Variants in PALLD observed in about 807,000 individuals in gnomAD.
PALLD encodes palladin, cytoskeletal associated protein.
Under a neutral mutation model 123.5 loss-of-function variants are expected in PALLD, and 61 were observed. That is an observed-to-expected ratio of 0.49 (90% confidence interval 0.40 to 0.61). The LOEUF (loss-of-function observed/expected upper bound fraction) is 0.61. Ranked by LOEUF, PALLD falls within the 20% of genes least tolerant of loss-of-function variation. PALLD has a pLI of 0.00. For missense variants in PALLD, 1,273 were observed against 1,377.0 expected (o/e 0.92, Z 1.20); for synonymous variants, 465 against 496.4 (o/e 0.94, Z 0.84).
chr4:168,596,086 C>A (rs1771948207), intron 2 of PALLD, among the ~76,000 whole-genome samples: 1 of 151,804 alleles, frequency 6.6e-6, no homozygotes, highest in Admixed American at 6.6e-5. Context: ...CCATTTAAAT[C>A]ATGTTTATAG....
At chr4:168,863,692 G>A (rs1159982301) in intron 10 of PALLD, 1 of 152,020 alleles carries the variant, frequency 6.6e-6, no homozygotes, top group African/African-American at 2.4e-5. Context: ...TTGTCTTCTG[G>A]TTCATTTTGA....
chr4:168,588,854 A>G (rs561751301), intron 2 of PALLD, among the ~76,000 whole-genome samples: 23 of 150,688 alleles, frequency 1.5e-4, no homozygotes, highest in African/African-American at 5.5e-4. Flanking sequence ...AGCTTCAAGT[A>G]AAATTATTTT....
chr4:168,775,174 T>C (rs1379594453), intron 10 of PALLD, among the ~76,000 whole-genome samples: 1 of 152,186 alleles, frequency 6.6e-6, no homozygotes, highest in African/African-American at 2.4e-5. Context: ...GTATGAGAGT[T>C]CCAGTTTCTC....
Position 168,661,766 on chromosome 4 carries a change from A to C in PALLD, c.909-6424A>C, listed in dbSNP as rs137892412. On this transcript the variant is annotated intron_variant, in intron 2 of 21. Coordinates refer to ENST00000505667, the MANE Select transcript of PALLD (RefSeq NM_001166108.2). ...AGATACATGTTTTGATGAAAGATGA[A>C]AGCCAAAAGCATTAAGGAAAATGAA... Among the ~76,000 whole-genome samples the C allele has an allele frequency of 2.0e-3, 310 of 152,348 alleles. 1 individual carries two copies. Among genetic ancestry groups the C allele is most frequent in the Admixed American group, 6.7e-3 (103 of 15,298 alleles).
intron 15 of PALLD, among the ~76,000 whole-genome samples, chr4:168,911,943 A>G (rs891906915): frequency 6.6e-6 from 1 of 151,996 alleles, no homozygotes; most frequent in Admixed American, 6.6e-5. Flanking sequence ...TCTCTTTGGT[A>G]ATTCCTCATT....
chr4:168,614,236 T>G (rs149273371), intron 2 of PALLD, among the ~76,000 whole-genome samples: 33 of 152,356 alleles, frequency 2.2e-4, no homozygotes, highest in African/African-American at 7.9e-4. Context: ...TGGATTGTAT[T>G]ATTTTTTAAA....
At chr4:168,912,742 A>C (rs1759243271) in intron 15 of PALLD, among the ~76,000 whole-genome samples, 1 of 152,120 alleles carries the variant, frequency 6.6e-6, no homozygotes. Context: ...CTCAAAATCC[A>C]CTCTTCCAGC....
chr4:168,855,681 C>G (rs1748507596), intron 10 of PALLD, among the ~76,000 whole-genome samples: 1 of 152,128 alleles, frequency 6.6e-6, no homozygotes, highest in Non-Finnish European at 1.5e-5. Flanking sequence ...TATAGTTCAG[C>G]CTTTGTCCCA....
At chr4:168,794,486 A>ATG (rs1738140830) in intron 10 of PALLD, among the ~76,000 whole-genome samples, 1 of 143,780 alleles carries the variant, frequency 7.0e-6, no homozygotes, top group East Asian at 2.2e-4. Flanking sequence ...ACGCACACAC[A>ATG]CATGCACGCA....
chr4:168,894,372 C>T (rs1754673661), intron 11 of PALLD: 2 of 584,802 alleles, frequency 3.4e-6, no homozygotes, highest in South Asian at 2.0e-5. Context: ...ATTGGTGGCT[C>T]TCTGGATTAG....
intron 2 of PALLD, among the ~76,000 whole-genome samples, chr4:168,527,443 A>AAAAAAAAAAAAAAAAAAAC (rs1764175190): frequency 6.7e-6 from 1 of 148,626 alleles, no homozygotes; most frequent in Admixed American, 6.7e-5. Context: ...AAAAAAAAAA[A>AAAAAAAAAAAAAAAAAAAC]AGTCATGCTC....
At chr4:168,780,634 AATATT>A (rs1336737099) in intron 10 of PALLD, among the ~76,000 whole-genome samples, 1 of 152,184 alleles carries the variant, frequency 6.6e-6, no homozygotes, top group Non-Finnish European at 1.5e-5. Flanking sequence ...TGTAATGTCA[AATATT>A]ATATATTTAA....
chr4:168,643,909 A>C (rs1385573764), intron 2 of PALLD, among the ~76,000 whole-genome samples: 1 of 151,998 alleles, frequency 6.6e-6, no homozygotes, highest in Non-Finnish European at 1.5e-5. Context: ...AGTTTGCAAA[A>C]ATTCATTCAT....
intron 10 of PALLD, among the ~76,000 whole-genome samples, chr4:168,800,425 C>A (rs1353722674): frequency 6.6e-6 from 1 of 151,944 alleles, no homozygotes; most frequent in Non-Finnish European, 1.5e-5. Context: ...TAAAAGCTAC[C>A]AGGCAATAAA....
chr4:168,710,412 C>T (rs1356014428), intron 9 of PALLD, among the ~76,000 whole-genome samples: 2 of 152,156 alleles, frequency 1.3e-5, no homozygotes, highest in East Asian at 3.9e-4. Context: ...AAGCCTGGAA[C>T]ATAATGTACA....
intron 10 of PALLD, among the ~76,000 whole-genome samples, chr4:168,790,457 G>A (rs985385618): frequency 6.6e-6 from 1 of 151,820 alleles, no homozygotes; most frequent in Non-Finnish European, 1.5e-5. Context: ...ACCATGCCTG[G>A]CATCTTTTTT....
chr4:168,682,106 A>G (rs907677303), intron 4 of PALLD, among the ~76,000 whole-genome samples: 1 of 152,210 alleles, frequency 6.6e-6, no homozygotes, highest in Non-Finnish European at 1.5e-5. Context: ...ATCTATATTT[A>G]TTTAGATCTT....
chr4:168,843,712 T>C (rs1746384156), intron 10 of PALLD, among the ~76,000 whole-genome samples: 1 of 152,164 alleles, frequency 6.6e-6, no homozygotes, highest in Non-Finnish European at 1.5e-5. Context: ...TGGAGACTAA[T>C]TGAATGCAAA....
rs1338474537 is a variant in PALLD at position 168,896,556 on chromosome 4, G to C, written c.2207G>C (p.Gly736Ala). 1 of 1,500,508 alleles carries C rather than the reference G, an allele frequency of 6.7e-7. No individual in the cohort carries two copies. The highest frequency in any genetic ancestry group is 1.2e-5 in the South Asian group (1 of 83,220). The allele number at this position is 1,500,508 out of a possible 1,614,324, so 92.9% of individuals were successfully genotyped here. ...PEEETANQDI[G>A]SPHASVGSPL... ...TTTTTTCTACCATTACAGGACATTG[G>C]TTCTCCTCATGCTTCTGTAGGGAGT... Residue 736 changes from glycine (G) to alanine (A), a missense_variant, in exon 13 of 22, where the codon GGT (glycine) becomes GCT (alanine). This residue lies in a region of PALLD where 944 missense variants were observed against 954.5 expected (regional missense o/e 0.99). Transcript: ENST00000505667.
Sources: allele counts gnomAD v4.1 joint callset (sites outside exome capture counted in the v4.1 genomes callset), GRCh38; gene constraint gnomAD v4.1.1; regional missense constraint gnomAD v4.1.1; transcripts MANE v1.5; gene names NCBI Gene and HGNC (gene_info 2026-07-23, HGNC 2026-07-21).